The following NELL2 variants were observed in gnomAD, a reference collection of about 807,000 sequenced individuals.
NELL2 encodes protein kinase C-binding protein NELL2.
NELL2 carries 41 observed loss-of-function variants against 109.6 expected under a neutral mutation model. The ratio of observed to expected loss-of-function variants is 0.37; its 90% CI spans 0.29 to 0.49. The LOEUF is 0.49. Ranked by LOEUF, NELL2 falls within the 20% of genes least tolerant of loss-of-function variation. NELL2 has a pLI of 0.98. For synonymous variants in NELL2, 355 were observed against 344.7 expected (o/e 1.03, Z -0.33); for missense variants, 900 against 1,008.3 (o/e 0.89, Z 1.45).
At chr12:44,753,081 A>C (rs1336484150) in intron 9 of NELL2, among the ~76,000 whole-genome samples, 2 of 152,050 alleles carry the variant, frequency 1.3e-5, no homozygotes, top group African/African-American at 4.8e-5. Context: ...CCTGCCCTAG[A>C]GTCTTGAACT....
At chr12:44,676,585 CTTCA>C (rs1298450723) in intron 12 of NELL2, among the ~76,000 whole-genome samples, 1 of 152,048 alleles carries the variant, frequency 6.6e-6, no homozygotes, top group Non-Finnish European at 1.5e-5. Context: ...CACAAATTTG[CTTCA>C]TTCATTTTGT....
intron 13 of NELL2, among the ~76,000 whole-genome samples, chr12:44,635,985 G>A (rs976117928): frequency 6.6e-6 from 1 of 152,124 alleles, no homozygotes; most frequent in African/African-American, 2.4e-5. Flanking sequence ...AGTTCTCCTT[G>A]AAGAGGTCTT....
chr12:44,829,062 T>G (rs1566486884), intron 2 of NELL2, among the ~76,000 whole-genome samples: 1 of 152,182 alleles, frequency 6.6e-6, no homozygotes, highest in Non-Finnish European at 1.5e-5. Context: ...TACCAGCTGT[T>G]TTGATGCCAG....
At chr12:44,547,012 C>T (rs1233341075) in intron 15 of NELL2, among the ~76,000 whole-genome samples, 1 of 151,894 alleles carries the variant, frequency 6.6e-6, no homozygotes, top group African/African-American at 2.4e-5. Context: ...ACACACAAAC[C>T]TTTTTTTTAA....
intron 5 of NELL2, among the ~76,000 whole-genome samples, chr12:44,777,944 T>G (rs1442997592): frequency 6.6e-6 from 1 of 152,132 alleles, no homozygotes; most frequent in East Asian, 1.9e-4. Flanking sequence ...TATCACATGT[T>G]TATAGGCAAA....
At chr12:44,811,337 TA>T (rs10683929) in intron 3 of NELL2, among the ~76,000 whole-genome samples, 13 of 103,178 alleles carry the variant, frequency 1.3e-4, no homozygotes, top group Non-Finnish European at 1.4e-4. Flanking sequence ...GAACTAAAAG[TA>T]AAAAAAAAAA....
intron 9 of NELL2, among the ~76,000 whole-genome samples, chr12:44,736,053 C>T (rs1397140120): frequency 6.9e-6 from 1 of 145,702 alleles, no homozygotes; most frequent in Non-Finnish European, 1.5e-5. Context: ...CTCTGTTGCC[C>T]AGGCTGGAGC....
At chr12:44,577,421 A>T (rs1316337709) in intron 15 of NELL2, among the ~76,000 whole-genome samples, 1 of 127,034 alleles carries the variant, frequency 7.9e-6, no homozygotes, top group Non-Finnish European at 1.6e-5. Context: ...AATTTGTTTG[A>T]GTTCATTGTA....
chr12:44,712,918 AT>A (rs1938284366), intron 10 of NELL2, among the ~76,000 whole-genome samples: 2 of 151,894 alleles, frequency 1.3e-5, no homozygotes, highest in Non-Finnish European at 2.9e-5. Context: ...CTTGCATCAT[AT>A]TTCTATTGGA....
chr12:44,610,768 G>A (rs1427485371), intron 14 of NELL2, 80 bp downstream of exon 14: 1 of 1,574,674 alleles, frequency 6.4e-7, no homozygotes, highest in African/African-American at 1.4e-5. Flanking sequence ...GTACATAACA[G>A]TAATGATAAG....
At chr12:44,763,072 C>A (rs1941191545) in intron 9 of NELL2, among the ~76,000 whole-genome samples, 1 of 152,166 alleles carries the variant, frequency 6.6e-6, no homozygotes, top group Non-Finnish European at 1.5e-5. Flanking sequence ...ATTTCATATT[C>A]TACTGATTGT....
intron 15 of NELL2, among the ~76,000 whole-genome samples, chr12:44,547,465 T>C (rs750407125): frequency 1.3e-5 from 2 of 152,170 alleles, no homozygotes; most frequent in African/African-American, 2.4e-5. Context: ...AAAATATTAC[T>C]CCAGCATGTA....
chr12:44,664,066 A>G (rs1310562714), intron 13 of NELL2, among the ~76,000 whole-genome samples: 1 of 152,126 alleles, frequency 6.6e-6, no homozygotes, highest in Non-Finnish European at 1.5e-5. Flanking sequence ...CTTGTTAAAG[A>G]TGAAATGGAA....
chr12:44,883,807 A>G (rs1289063299), intron 1 of NELL2, among the ~76,000 whole-genome samples: 1 of 152,020 alleles, frequency 6.6e-6, no homozygotes, highest in Non-Finnish European at 1.5e-5. Context: ...GCACCAACCC[A>G]AAATCCTATA....
chr12:44,737,047 A>T (rs1939688217), intron 9 of NELL2, among the ~76,000 whole-genome samples: 1 of 152,080 alleles, frequency 6.6e-6, no homozygotes, highest in Non-Finnish European at 1.5e-5. Context: ...TTATTTTTAG[A>T]TATTGAAATT....
intron 15 of NELL2, among the ~76,000 whole-genome samples, chr12:44,589,474 C>T (rs1489903362): frequency 6.6e-6 from 1 of 152,116 alleles, no homozygotes; most frequent in Admixed American, 6.6e-5. Context: ...ACCTCCACCT[C>T]CCAGGTTCAA....
intron 2 of NELL2, among the ~76,000 whole-genome samples, chr12:44,840,305 G>A (rs186471096): frequency 7.4e-4 from 112 of 152,206 alleles, no homozygotes; most frequent in African/African-American, 2.6e-3. Flanking sequence ...TTATTTACTC[G>A]ATTTCATGTC....
At chr12:44,841,434 A>G (rs1592637037) in intron 2 of NELL2, among the ~76,000 whole-genome samples, 1 of 152,234 alleles carries the variant, frequency 6.6e-6, no homozygotes, top group Admixed American at 6.5e-5. Flanking sequence ...TATCAGACTT[A>G]CCTTCCACTA....
At chr12:44,783,734 A>G (rs1172499164) in intron 3 of NELL2, among the ~76,000 whole-genome samples, 2 of 152,048 alleles carry the variant, frequency 1.3e-5, no homozygotes, top group African/African-American at 4.8e-5. Context: ...TTCATTGCAG[A>G]ATTTTCTCAC....
Sources: allele counts gnomAD v4.1 joint callset (sites outside exome capture counted in the v4.1 genomes callset), GRCh38; gene constraint gnomAD v4.1.1; transcripts MANE v1.5; gene names NCBI Gene and HGNC (gene_info 2026-07-23, HGNC 2026-07-21).